The following PPP1R13B variants were observed in gnomAD, a reference collection of about 807,000 sequenced individuals.
The protein encoded by PPP1R13B is apoptosis-stimulating of p53 protein 1.
A neutral mutation model predicts 119.8 loss-of-function variants in PPP1R13B; 44 were observed. The ratio of observed to expected loss-of-function variants is 0.37; its 90% CI spans 0.29 to 0.47. The LOEUF is 0.47. Ranked by LOEUF, PPP1R13B falls within the 20% of genes least tolerant of loss-of-function variation. The probability of loss-of-function intolerance (pLI) is 0.99; values close to 1 mark genes in which losing one functional copy is unlikely to be tolerated. For synonymous variants in PPP1R13B, 542 were observed against 561.5 expected (o/e 0.97, Z 0.49); for missense variants, 1,227 against 1,413.5 (o/e 0.87, Z 2.12).
At position 103,796,571 on chromosome 14, in the gene PPP1R13B, G is replaced by C. The variant is rs147638192; in HGVS notation, c.157+800C>G. 2.4e-3 allele frequency among the ~76,000 whole-genome samples: 372 copies of C among 152,282 alleles called. 3 individuals carry two copies. Among genetic ancestry groups the C allele is most frequent in the Middle Eastern group, 0.01 (3 of 294 alleles). ...CAATTGCATTAGAAAACAGTCTGGT[G>C]GTTCTTGAAAAGGTTAAACACGAAT... On this transcript the variant is annotated intron_variant, in intron 2 of 16. Transcript: ENST00000202556.
intron 5 of PPP1R13B, 54 bp downstream of exon 5, chr14:103,757,596 G>C: frequency 1.3e-6 from 2 of 1,513,304 alleles, no homozygotes; most frequent in Non-Finnish European, 9.2e-7. Context: ...CTAAAATGAT[G>C]GTTAAAGAAG....
At chr14:103,818,940 T>C (rs746330226) in intron 1 of PPP1R13B, among the ~76,000 whole-genome samples, 8 of 152,104 alleles carry the variant, frequency 5.3e-5, no homozygotes, top group Non-Finnish European at 8.8e-5. Flanking sequence ...ATGGGGCAAT[T>C]TTAGTTTTCA....
intron 1 of PPP1R13B, among the ~76,000 whole-genome samples, chr14:103,831,896 A>T (rs1327992327): frequency 6.6e-6 from 1 of 151,868 alleles, no homozygotes; most frequent in Non-Finnish European, 1.5e-5. Flanking sequence ...AGACCATGCC[A>T]CTGTACTCCA....
In PPP1R13B at chr14:103,778,806, T is replaced by C. The variant is rs765652752; in HGVS notation, c.293A>G (p.Gln98Arg). Residue 98 changes from glutamine (Q) to arginine (R), a missense_variant, in exon 4 of 17, where the codon CAA (glutamine) becomes CGA (arginine). Coordinates refer to ENST00000202556, the MANE Select transcript of PPP1R13B (RefSeq NM_015316.3). The part of the protein sequence containing the change: ...ENSEQGGRQT[Q>R]EQRTQRNVIN... ...TACATTTCTCTGAGTTCGTTGCTCT[T>C]GGGTCTGACGGCCACCTAAAGAAAT... 35 of 1,613,944 alleles carry C rather than the reference T, an allele frequency of 2.2e-5. No homozygotes were observed. The East Asian group carries it at 7.1e-4, about 33-fold the overall frequency.
intron 1 of PPP1R13B, among the ~76,000 whole-genome samples, chr14:103,808,075 T>C (rs1407061793): frequency 6.6e-6 from 1 of 151,692 alleles, no homozygotes; most frequent in Non-Finnish European, 1.5e-5. Context: ...ACCCCATCTC[T>C]ACTAAAAATA....
At chr14:103,778,637 C>CTCATG in intron 4 of PPP1R13B, 108 bp downstream of exon 4, 1 of 835,032 alleles carries the variant, frequency 1.2e-6, no homozygotes, top group Non-Finnish European at 2.0e-6. Flanking sequence ...AACTCCTGCC[C>CTCATG]TCATGTGATC....
rs188205746 is a variant in PPP1R13B at position 103,798,194 on chromosome 14, C to T, written c.10-676G>A. Among the ~76,000 whole-genome samples, 21 of 147,894 alleles carry T rather than the reference C, an allele frequency of 1.4e-4. No individual in the cohort carries two copies. The East Asian group carries it at 3.4e-3, about 24-fold the overall frequency. On this transcript the variant is annotated intron_variant, in intron 1 of 16. Transcript: ENST00000202556. ...TGAGATGGAGTCTTGCTCTGTCGCC[C>T]AGGCTGGAGTGCAGTGGCGCGATCT...
chr14:103,771,472 CT>C (rs1415263965), intron 4 of PPP1R13B, among the ~76,000 whole-genome samples: 3 of 136,908 alleles, frequency 2.2e-5, no homozygotes, highest in African/African-American at 8.3e-5. Context: ...AGAACTAACA[CT>C]TCTTTTTTTT....
intron 4 of PPP1R13B, among the ~76,000 whole-genome samples, chr14:103,762,419 G>A (rs1190482284): frequency 7.1e-6 from 1 of 141,244 alleles, no homozygotes; most frequent in Non-Finnish European, 1.5e-5. Flanking sequence ...GTTATAATAG[G>A]CAAGAACATC....
At chr14:103,744,417 T>C (rs2084339094) in intron 9 of PPP1R13B, among the ~76,000 whole-genome samples, 1 of 152,184 alleles carries the variant, frequency 6.6e-6, no homozygotes, top group Non-Finnish European at 1.5e-5. Flanking sequence ...TTTCTAAGGA[T>C]GGGAGGGTAC....
chr14:103,847,308 C>G lies in PPP1R13B; in HGVS notation c.-1G>C. On this transcript the variant is annotated 5_prime_UTR_variant, in exon 1 of 17. Coordinates refer to ENST00000202556, the MANE Select transcript of PPP1R13B (RefSeq NM_015316.3). Reference sequence around the variant, plus strand: ...GCCCGCCCTCACCCACCGGCATCATCGCGGGGAGAGTCCGCGACGCCCTCG... The same window carrying G: ...GCCCGCCCTCACCCACCGGCATCATGGCGGGGAGAGTCCGCGACGCCCTCG... 1 of 1,174,478 alleles carries G rather than the reference C, an allele frequency of 8.5e-7. No individual in the cohort carries two copies. Among genetic ancestry groups the G allele is most frequent in the South Asian group, 1.7e-5 (1 of 58,500 alleles). The allele number at this position is 1,174,478 out of a possible 1,614,324, so 72.8% of individuals were successfully genotyped here.
At chr14:103,804,738 G>GA (rs574328294) in intron 1 of PPP1R13B, among the ~76,000 whole-genome samples, 22 of 144,832 alleles carry the variant, frequency 1.5e-4, no homozygotes, top group Admixed American at 2.1e-4. Flanking sequence ...CATCTCTAAG[G>GA]AAAAAAAAAA....
intron 1 of PPP1R13B, among the ~76,000 whole-genome samples, chr14:103,844,118 T>C (rs1209940057): frequency 1.3e-5 from 2 of 151,736 alleles, no homozygotes; most frequent in Admixed American, 6.6e-5. Context: ...AATACAAAAA[T>C]TAGCCGTTTG....
At chr14:103,762,472 C>T (rs962640048) in intron 4 of PPP1R13B, among the ~76,000 whole-genome samples, 13 of 150,802 alleles carry the variant, frequency 8.6e-5, no homozygotes, top group African/African-American at 2.7e-4. Flanking sequence ...GGGAGAGGGA[C>T]AGCATTAGGA....
chr14:103,848,562 G>GGGCATCAGAAGGCAAGGTCTGCGGAT, upstream of PPP1R13B: 1 of 918,148 alleles, frequency 1.1e-6, no homozygotes, highest in Non-Finnish European at 1.3e-6. Flanking sequence ...GAACTCCCAC[G>GGGCATCAGAAGGCAAGGTCTGCGGAT]GGCATCAGAA....
intron 3 of PPP1R13B, among the ~76,000 whole-genome samples, chr14:103,781,491 C>T (rs1160474596): frequency 6.6e-6 from 1 of 152,068 alleles, no homozygotes; most frequent in South Asian, 2.1e-4. Context: ...GGCAAATTTT[C>T]CTTTACTATA....
chr14:103,847,582 C>A (rs989177004), upstream of PPP1R13B: 42 of 986,278 alleles, frequency 4.3e-5, no homozygotes, highest in South Asian at 3.2e-4. Context: ...GCCTGCGGCC[C>A]GCCCGCCCGG....
chr14:103,829,754 G>A (rs980895318), intron 1 of PPP1R13B, among the ~76,000 whole-genome samples: 1 of 152,042 alleles, frequency 6.6e-6, no homozygotes, highest in Non-Finnish European at 1.5e-5. Flanking sequence ...GGGACTACAG[G>A]TGAGCACCAC....
intron 2 of PPP1R13B, among the ~76,000 whole-genome samples, chr14:103,795,231 C>T (rs1347741783): frequency 1.3e-5 from 2 of 152,202 alleles, no homozygotes; most frequent in Non-Finnish European, 2.9e-5. Flanking sequence ...AGCCACCGTG[C>T]CCGACCTGTA....
Sources: allele counts gnomAD v4.1 joint callset (sites outside exome capture counted in the v4.1 genomes callset), GRCh38; gene constraint gnomAD v4.1.1; transcripts MANE v1.5; gene names NCBI Gene and HGNC (gene_info 2026-07-23, HGNC 2026-07-21).